The following PTPRD variants were observed in gnomAD, a reference collection of about 807,000 sequenced individuals.
The protein encoded by PTPRD is receptor-type tyrosine-protein phosphatase delta.
A neutral mutation model predicts 214.5 loss-of-function variants in PTPRD; 34 were observed. That is an observed-to-expected ratio of 0.16 (90% CI 0.12 to 0.21). The LOEUF (loss-of-function observed/expected upper bound fraction) is 0.21, where lower values mean the gene tolerates loss of function less well. Ranked by LOEUF, PTPRD falls within the 10% of genes least tolerant of loss-of-function variation. The probability of loss-of-function intolerance (pLI) is 1.00; values close to 1 mark genes in which losing one functional copy is unlikely to be tolerated. For synonymous variants in PTPRD, 1,128 were observed against 845.7 expected (o/e 1.33, Z -5.79); for missense variants, 2,545 against 2,398.7 (o/e 1.06, Z -1.27).
chr9:10,041,626 G>T, intron 3 of PTPRD, among the ~76,000 whole-genome samples: 1 of 151,646 alleles, frequency 6.6e-6, no homozygotes, highest in East Asian at 1.9e-4. Flanking sequence ...TGTAATATGA[G>T]CAAGAAACAT....
At chr9:10,554,554 G>C (rs1359916979) in intron 2 of PTPRD, among the ~76,000 whole-genome samples, 2 of 152,044 alleles carry the variant, frequency 1.3e-5, no homozygotes, top group African/African-American at 4.8e-5. Context: ...TCAGGTATTT[G>C]AGAATTCCAA....
chr9:9,907,758 T>C, intron 5 of PTPRD, among the ~76,000 whole-genome samples: 1 of 151,930 alleles, frequency 6.6e-6, no homozygotes, highest in East Asian at 1.9e-4. Context: ...ACACAATTAA[T>C]CATACAATTC....
intron 2 of PTPRD, among the ~76,000 whole-genome samples, chr9:10,547,943 T>G (rs2060509809): frequency 6.6e-6 from 1 of 152,080 alleles, no homozygotes; most frequent in African/African-American, 2.4e-5. Flanking sequence ...TTCTCTAAGT[T>G]TGTAATCAAT....
At chr9:8,409,588 T>C (rs527520169) in intron 35 of PTPRD, among the ~76,000 whole-genome samples, 1 of 152,226 alleles carries the variant, frequency 6.6e-6, no homozygotes, top group South Asian at 2.1e-4. Context: ...TCAATAATGC[T>C]GAAGTCATTA....
chr9:8,888,111 T>C (rs931635884), intron 11 of PTPRD, among the ~76,000 whole-genome samples: 1 of 152,216 alleles, frequency 6.6e-6, no homozygotes, highest in Non-Finnish European at 1.5e-5. Flanking sequence ...TAGTTTCCTT[T>C]TGCTTTCGTT....
intron 7 of PTPRD, among the ~76,000 whole-genome samples, chr9:9,686,747 TA>T (rs1443384354): frequency 4.0e-5 from 6 of 151,812 alleles, no homozygotes; most frequent in Non-Finnish European, 5.9e-5. Context: ...ATATAACAGG[TA>T]ATACATTGTG....
At chr9:10,478,703 A>G (rs1468942923) in intron 2 of PTPRD, among the ~76,000 whole-genome samples, 2 of 151,732 alleles carry the variant, frequency 1.3e-5, no homozygotes, top group African/African-American at 2.4e-5. Flanking sequence ...ATACAATTAC[A>G]GAGTTACTAT....
At chr9:9,811,504 G>A (rs1205238849) in intron 5 of PTPRD, among the ~76,000 whole-genome samples, 6 of 152,074 alleles carry the variant, frequency 3.9e-5, no homozygotes, top group African/African-American at 9.7e-5. Flanking sequence ...TCAGGAGATC[G>A]AGACCATCCT....
In PTPRD at chr9:10,027,661, T is replaced by G. The variant is rs555294995; in HGVS notation, c.-472+6057A>C. Among the ~76,000 whole-genome samples the G allele has an allele frequency of 8.5e-5, 13 of 152,304 alleles. No individual in the cohort carries two copies. In the East Asian group the frequency reaches 2.3e-3, roughly 27 times the overall value. On this transcript the variant is annotated intron_variant, in intron 4 of 45. Transcript: ENST00000381196. ...CTGCCTATTGAAAAATTTTGAGCAT[T>G]GAACTTGTCATGGTTATGGCAAAAA...
At position 9,967,079 on chromosome 9, in the gene PTPRD, GGGTAAGTCCCT is replaced by G. The variant is rs2094756557; in HGVS notation, c.-471-28480_-471-28470del. On this transcript the variant is annotated intron_variant, in intron 4 of 45. Transcript: ENST00000381196. ...TCTCCAATGGCTGAGAACTTCACCAGGGTAAGTCCCTGTAGTATAATGTTTCAGTCAAGTTC... is the reference window on the plus strand; with the variant it reads ...TCTCCAATGGCTGAGAACTTCACCAGGTAGTATAATGTTTCAGTCAAGTTC... Among the ~76,000 whole-genome samples, 5 of 152,240 alleles carry G rather than the reference GGGTAAGTCCCT, an allele frequency of 3.3e-5. No homozygotes were observed. The South Asian group carries it at 1.0e-3, about 32-fold the overall frequency.
intron 11 of PTPRD, among the ~76,000 whole-genome samples, chr9:8,858,750 G>A (rs529210279): frequency 1.3e-5 from 2 of 151,744 alleles, no homozygotes; most frequent in East Asian, 3.9e-4. Context: ...AAGGGCCAGA[G>A]AGCCGGATAA....
At chr9:9,463,725 G>A (rs553179186) in intron 8 of PTPRD, among the ~76,000 whole-genome samples, 5 of 151,922 alleles carry the variant, frequency 3.3e-5, no homozygotes, top group Non-Finnish European at 7.4e-5. Flanking sequence ...TGGGCTTCTA[G>A]TGTACTTGAA....
chr9:10,462,843 TTAA>T (rs2098968435), intron 2 of PTPRD, among the ~76,000 whole-genome samples: 1 of 151,618 alleles, frequency 6.6e-6, no homozygotes, highest in South Asian at 2.1e-4. Flanking sequence ...TGTATAAAAA[TTAA>T]TATACAAATT....
intron 2 of PTPRD, among the ~76,000 whole-genome samples, chr9:10,423,846 G>A (rs917815206): frequency 6.6e-6 from 1 of 151,922 alleles, no homozygotes; most frequent in Non-Finnish European, 1.5e-5. Flanking sequence ...GGTTTGGGAT[G>A]CACCCGCTAG....
At chr9:8,904,063 A>G (rs2098691030) in intron 11 of PTPRD, among the ~76,000 whole-genome samples, 1 of 152,212 alleles carries the variant, frequency 6.6e-6, no homozygotes, top group South Asian at 2.1e-4. Context: ...AAAAGTTGCA[A>G]TAATGCTACA....
chr9:10,124,920 C>T (rs294868), intron 3 of PTPRD, among the ~76,000 whole-genome samples: 108,465 of 152,012 alleles, frequency 0.71, 39,254 homozygotes, highest in Middle Eastern at 0.89. Flanking sequence ...GTCAAAAGAG[C>T]GCACTAGTCT....
intron 10 of PTPRD, among the ~76,000 whole-genome samples, chr9:9,098,343 G>A (rs542378787): frequency 6.6e-6 from 1 of 152,008 alleles, no homozygotes; most frequent in Non-Finnish European, 1.5e-5. Flanking sequence ...TGCAGCCTCC[G>A]TCTACTGGGT....
chr9:9,483,359 G>C (rs753417616), intron 8 of PTPRD, among the ~76,000 whole-genome samples: 6 of 152,130 alleles, frequency 3.9e-5, no homozygotes, highest in Non-Finnish European at 8.8e-5. Flanking sequence ...TTTAGGATGC[G>C]TGAAGATTGA....
chr9:10,259,964 G>C (rs952954777), intron 3 of PTPRD, among the ~76,000 whole-genome samples: 1 of 152,142 alleles, frequency 6.6e-6, no homozygotes, highest in African/African-American at 2.4e-5. Context: ...CCCTTTCACA[G>C]TGGAGCTGAG....
Sources: allele counts gnomAD v4.1 joint callset (sites outside exome capture counted in the v4.1 genomes callset), GRCh38; gene constraint gnomAD v4.1.1; transcripts MANE v1.5; gene names NCBI Gene and HGNC (gene_info 2026-07-23, HGNC 2026-07-21).